The following STXBP6 variants were observed in gnomAD, a reference collection of about 807,000 sequenced individuals.
STXBP6 encodes syntaxin-binding protein 6.
STXBP6 carries 21 observed loss-of-function variants against 26.9 expected under a neutral mutation model. The observed-to-expected ratio is 0.78, with a 90% CI of 0.55 to 1.12. The LOEUF (loss-of-function observed/expected upper bound fraction) is 1.12. Ranked by LOEUF, STXBP6 falls within the 50% of genes most tolerant of loss-of-function variation. The probability of loss-of-function intolerance (pLI) is 0.00; values close to 1 mark genes in which losing one functional copy is unlikely to be tolerated. For synonymous variants in STXBP6, 97 were observed against 92.6 expected (o/e 1.05, Z -0.27); for missense variants, 232 against 257.9 (o/e 0.90, Z 0.69).
At chr14:24,879,332 C>T (rs565603902) in intron 2 of STXBP6, among the ~76,000 whole-genome samples, 18 of 152,174 alleles carry the variant, frequency 1.2e-4, no homozygotes, top group African/African-American at 4.3e-4. Context: ...CTTCTTTAAA[C>T]AAAAGGAAAA....
intron 2 of STXBP6, among the ~76,000 whole-genome samples, chr14:24,891,890 A>T (rs2070800025): frequency 6.6e-6 from 1 of 152,206 alleles, no homozygotes; most frequent in African/African-American, 2.4e-5. Flanking sequence ...TCTTCCTGGA[A>T]TGACTTTCCT....
rs557748002 is a variant in STXBP6, at chr14:24,964,762, G to T, written c.154+9903C>A. 9.5e-4 allele frequency among the ~76,000 whole-genome samples: 145 copies of T among 152,102 alleles called. 2 individuals are homozygous for T. The South Asian group carries it at 0.021, about 22-fold the overall frequency. On this transcript the variant is annotated intron_variant, in intron 2 of 5. Coordinates refer to ENST00000323944, the MANE Select transcript of STXBP6 (RefSeq NM_001394410.1). ...TGAGAAGCTGGGTCCACAGGCATTT[G>T]TATCAGCCTCTCCCACTTCTGATGT...
At chr14:25,027,175 C>G (rs1269511998) in intron 1 of STXBP6, among the ~76,000 whole-genome samples, 1 of 152,242 alleles carries the variant, frequency 6.6e-6, no homozygotes, top group East Asian at 1.9e-4. Context: ...GTTTATTGTG[C>G]TTTATTGCAC....
chr14:24,971,764 T>C (rs1445005444), intron 2 of STXBP6, among the ~76,000 whole-genome samples: 1 of 152,220 alleles, frequency 6.6e-6, no homozygotes, highest in African/African-American at 2.4e-5. Flanking sequence ...TCTGCATACA[T>C]GCTTTCACAT....
chr14:25,041,717 T>C (rs7151785), intron 1 of STXBP6, among the ~76,000 whole-genome samples: 48,233 of 152,148 alleles, frequency 0.32, 7,765 homozygotes, highest in African/African-American at 0.34. Flanking sequence ...CCAAATGACA[T>C]GGCCACCTCT....
At chr14:25,016,581 G>A (rs1194561483) in intron 1 of STXBP6, among the ~76,000 whole-genome samples, 1 of 152,144 alleles carries the variant, frequency 6.6e-6, no homozygotes, top group African/African-American at 2.4e-5. Flanking sequence ...AAGATCGTAA[G>A]AAATTCACAT....
chr14:24,938,323 T>C (rs2139966580), intron 2 of STXBP6, among the ~76,000 whole-genome samples: 1 of 152,310 alleles, frequency 6.6e-6, no homozygotes. Flanking sequence ...TAATAGCTAA[T>C]TCAGTCAGGC....
intron 2 of STXBP6, among the ~76,000 whole-genome samples, chr14:24,934,006 T>C (rs1195151111): frequency 6.6e-6 from 1 of 151,596 alleles, no homozygotes; most frequent in Non-Finnish European, 1.5e-5. Flanking sequence ...ACAAAAATAA[T>C]AGTGAATGTA....
chr14:24,890,196 A>G lies in STXBP6; in HGVS notation c.155-33039T>C, dbSNP rs1046486049. Among the ~76,000 whole-genome samples, 10 of 152,354 alleles carry G rather than the reference A, an allele frequency of 6.6e-5. No individual in the cohort carries two copies. In the South Asian group the frequency reaches 2.1e-3, roughly 32 times the overall value. ...CTGCTAATGCTGTCCCAGAGTAAAA[A>G]GCTTCCATGGCCATACCTGCCAACA... On this transcript the variant is annotated intron_variant, in intron 2 of 5. Coordinates refer to ENST00000323944, the MANE Select transcript of STXBP6 (RefSeq NM_001394410.1).
At chr14:24,992,341 C>T (rs1200098543) in intron 1 of STXBP6, among the ~76,000 whole-genome samples, 2 of 151,900 alleles carry the variant, frequency 1.3e-5, no homozygotes, top group African/African-American at 4.8e-5. Flanking sequence ...AGACCATGAC[C>T]AATGCTGCAA....
At chr14:25,046,185 G>A (rs1165158271) in intron 1 of STXBP6, among the ~76,000 whole-genome samples, 1 of 152,186 alleles carries the variant, frequency 6.6e-6, no homozygotes, top group Non-Finnish European at 1.5e-5. Flanking sequence ...GAACAACAGT[G>A]ATAAGAGGCT....
At chr14:24,852,336 C>T (rs2069184092) in intron 4 of STXBP6, among the ~76,000 whole-genome samples, 1 of 152,070 alleles carries the variant, frequency 6.6e-6, no homozygotes, top group South Asian at 2.1e-4. Context: ...GCTAAAATTC[C>T]CCAGGCTTTG....
At chr14:24,818,612 C>A (rs1236966898) in intron 5 of STXBP6, among the ~76,000 whole-genome samples, 2 of 152,208 alleles carry the variant, frequency 1.3e-5, no homozygotes, top group Non-Finnish European at 2.9e-5. Flanking sequence ...CACTGCTACA[C>A]TCAGGATGAG....
intron 2 of STXBP6, among the ~76,000 whole-genome samples, chr14:24,932,151 G>C (rs1490313076): frequency 6.6e-6 from 1 of 152,204 alleles, no homozygotes; most frequent in Non-Finnish European, 1.5e-5. Flanking sequence ...GCTCATGCCT[G>C]TAATCCCAGC....
chr14:24,975,839 A>C (rs1231310676), intron 1 of STXBP6, among the ~76,000 whole-genome samples: 2 of 152,244 alleles, frequency 1.3e-5, no homozygotes, highest in African/African-American at 4.8e-5. Flanking sequence ...TTCTACAGCA[A>C]CTTGAGTAAA....
intron 4 of STXBP6, 126 bp downstream of exon 4, chr14:24,855,810 C>T (rs766646407): frequency 8.8e-5 from 74 of 841,930 alleles, no homozygotes; most frequent in Middle Eastern, 2.9e-4. Flanking sequence ...CTTATGTTGT[C>T]TAGCTCTGAG....
chr14:24,848,330 C>A (rs1192756373), intron 4 of STXBP6, among the ~76,000 whole-genome samples: 1 of 152,080 alleles, frequency 6.6e-6, no homozygotes, highest in Admixed American at 6.6e-5. Flanking sequence ...AGTTACACAG[C>A]TAATGAGTGA....
At chr14:24,947,555 C>T (rs982527037) in intron 2 of STXBP6, among the ~76,000 whole-genome samples, 5 of 152,174 alleles carry the variant, frequency 3.3e-5, no homozygotes, top group Non-Finnish European at 5.9e-5. Flanking sequence ...GTATCATTCA[C>T]GCATCAGTTA....
chr14:24,966,387 T>C (rs1682556147), intron 2 of STXBP6, among the ~76,000 whole-genome samples: 1 of 91,394 alleles, frequency 1.1e-5, no homozygotes. Context: ...AGCCCTGTCT[T>C]GGAAAAAAAA....
Sources: allele counts gnomAD v4.1 joint callset (sites outside exome capture counted in the v4.1 genomes callset), GRCh38; gene constraint gnomAD v4.1.1; transcripts MANE v1.5; gene names NCBI Gene and HGNC (gene_info 2026-07-23, HGNC 2026-07-21).